GUCY1A1: variants seen among roughly 807,000 people sequenced by gnomAD.
GUCY1A1 encodes the protein guanylate cyclase soluble subunit alpha-1.
GUCY1A1 carries 48 observed loss-of-function variants against 64.5 expected under a neutral mutation model. The ratio of observed to expected loss-of-function variants is 0.74; its 90% CI spans 0.59 to 0.95. The LOEUF is 0.95. Among genes scored for constraint, GUCY1A1 ranks in the 40% least tolerant of loss-of-function variants. The pLI, the probability that GUCY1A1 is intolerant of heterozygous loss-of-function variation, is 0.00. For missense variants in GUCY1A1, 804 were observed against 825.3 expected (o/e 0.97, Z 0.32); for synonymous variants, 308 against 303.4 (o/e 1.02, Z -0.16).
chr4:155,717,955 C>T (rs563719611), intron 8 of GUCY1A1, among the ~76,000 whole-genome samples: 2 of 152,228 alleles, frequency 1.3e-5, no homozygotes, highest in South Asian at 4.2e-4. Flanking sequence ...TTTTCCAGCC[C>T]CTGGAGGAGA....
At chr4:155,722,332 T>C in intron 9 of GUCY1A1, 140 bp downstream of exon 9, 1 of 1,439,402 alleles carries the variant, frequency 6.9e-7, no homozygotes, top group Non-Finnish European at 9.1e-7. Context: ...ACTTTTATCA[T>C]CCTCACTTTA....
intron 7 of GUCY1A1, among the ~76,000 whole-genome samples, chr4:155,714,915 C>T (rs759725808): frequency 8.5e-5 from 13 of 152,292 alleles, no homozygotes; most frequent in African/African-American, 2.6e-4. Flanking sequence ...TATCTTGAGA[C>T]GGTCTCCTGT....
chr4:155,702,328 T>C (rs1015067529), intron 3 of GUCY1A1, among the ~76,000 whole-genome samples: 9 of 151,490 alleles, frequency 5.9e-5, no homozygotes, highest in East Asian at 1.9e-4. Context: ...TGTATCCACA[T>C]TGATACTCTG....
chr4:155,706,365 G>A (rs1331595129), intron 4 of GUCY1A1, among the ~76,000 whole-genome samples: 2 of 152,132 alleles, frequency 1.3e-5, no homozygotes, highest in African/African-American at 4.8e-5. Context: ...TTATTGGTAA[G>A]TCACTGCCGT....
intron 4 of GUCY1A1, among the ~76,000 whole-genome samples, chr4:155,707,711 A>G (rs1424897890): frequency 6.6e-6 from 1 of 152,052 alleles, no homozygotes; most frequent in Non-Finnish European, 1.5e-5. Context: ...TCTATGTCAT[A>G]TATATTTTGG....
intron 2 of GUCY1A1, among the ~76,000 whole-genome samples, chr4:155,674,144 A>G (rs1310285720): frequency 6.6e-6 from 1 of 151,174 alleles, no homozygotes; most frequent in Non-Finnish European, 1.5e-5. Flanking sequence ...TCACAAGGTC[A>G]GGAGTTCAAG....
At chr4:155,672,059 C>G (rs1022725344) in intron 2 of GUCY1A1, among the ~76,000 whole-genome samples, 1 of 146,730 alleles carries the variant, frequency 6.8e-6, no homozygotes, top group Non-Finnish European at 1.5e-5. Flanking sequence ...AATTATGTAT[C>G]TTTTTTGCAC....
At chr4:155,686,077 T>C (rs962837159) in intron 2 of GUCY1A1, among the ~76,000 whole-genome samples, 1 of 152,210 alleles carries the variant, frequency 6.6e-6, no homozygotes, top group Non-Finnish European at 1.5e-5. Flanking sequence ...TGACCTATCT[T>C]GTTTGCACAA....
intron 8 of GUCY1A1, among the ~76,000 whole-genome samples, chr4:155,721,387 A>C (rs1733940284): frequency 6.6e-6 from 1 of 152,172 alleles, no homozygotes; most frequent in African/African-American, 2.4e-5. Flanking sequence ...GCATGGCACA[A>C]ATCTGATCTT....
intron 9 of GUCY1A1, 135 bp from the exon 10 acceptor site, chr4:155,729,895 C>T (rs1188482360): frequency 1.0e-5 from 6 of 597,706 alleles, no homozygotes; most frequent in African/African-American, 3.7e-5. Flanking sequence ...CTGTTAATCT[C>T]GTTAGACTTT....
At chr4:155,690,533 C>G (rs751400744) in intron 2 of GUCY1A1, among the ~76,000 whole-genome samples, 60 of 152,190 alleles carry the variant, frequency 3.9e-4, no homozygotes, top group Non-Finnish European at 7.9e-4. Context: ...TTGTAGAACT[C>G]TGCAAAATCC....
intron 2 of GUCY1A1, among the ~76,000 whole-genome samples, chr4:155,684,399 T>C (rs1219084422): frequency 6.6e-6 from 1 of 152,230 alleles, no homozygotes; most frequent in Non-Finnish European, 1.5e-5. Context: ...GCCACGTCTT[T>C]TGCTAACCTG....
intron 2 of GUCY1A1, among the ~76,000 whole-genome samples, chr4:155,693,394 C>G (rs1730009002): frequency 6.6e-6 from 1 of 152,154 alleles, no homozygotes; most frequent in South Asian, 2.1e-4. Context: ...ACCATCTCTA[C>G]AACCAACTAT....
chr4:155,688,467 C>T (rs1729307063), intron 2 of GUCY1A1, among the ~76,000 whole-genome samples: 1 of 151,988 alleles, frequency 6.6e-6, no homozygotes, highest in Admixed American at 6.5e-5. Context: ...TCAATTAGCC[C>T]AATTATTTAA....
chr4:155,724,754 C>G (rs1164744345), intron 9 of GUCY1A1, among the ~76,000 whole-genome samples: 1 of 151,966 alleles, frequency 6.6e-6, no homozygotes, highest in Non-Finnish European at 1.5e-5. Flanking sequence ...TTTTATGACT[C>G]TAACTATTTT....
chr4:155,714,125 T>G (rs34426100), intron 7 of GUCY1A1, among the ~76,000 whole-genome samples: 5,756 of 152,292 alleles, frequency 0.038, 139 homozygotes, highest in Middle Eastern at 0.075. Context: ...ACTTAAGGCA[T>G]TTTTGCAGCT....
At chr4:155,698,131 G>A (rs1730648307) in intron 3 of GUCY1A1, among the ~76,000 whole-genome samples, 1 of 152,210 alleles carries the variant, frequency 6.6e-6, no homozygotes, top group Admixed American at 6.6e-5. Flanking sequence ...GGGAAGTTCA[G>A]TGACTTGACC....
At chr4:155,709,572 G>C (rs552227745) in intron 5 of GUCY1A1, among the ~76,000 whole-genome samples, 1 of 152,142 alleles carries the variant, frequency 6.6e-6, no homozygotes, top group Non-Finnish European at 1.5e-5. Context: ...GGTGGTTCAC[G>C]CCTATAATCC....
intron 2 of GUCY1A1, among the ~76,000 whole-genome samples, chr4:155,688,960 T>C (rs1234055733): frequency 6.6e-6 from 1 of 151,632 alleles, no homozygotes; most frequent in Non-Finnish European, 1.5e-5. Flanking sequence ...TGCTGAGTTA[T>C]GGAGACAAGA....
Sources: gnomAD v4.1 joint callset for allele counts (sites outside exome capture counted in the v4.1 genomes callset) on GRCh38, gnomAD v4.1.1 for gene constraint, MANE v1.5 for transcripts, NCBI Gene and HGNC (gene_info 2026-07-23, HGNC 2026-07-21) for gene names.